The following FOLR1 variants were observed in gnomAD, a reference collection of about 807,000 sequenced individuals.
FOLR1 encodes KB cells FBP.
In FOLR1, 11 loss-of-function variants were observed where a neutral mutation model predicts 22.8. That is an observed-to-expected ratio of 0.48 (90% confidence interval 0.30 to 0.80). FOLR1 has a LOEUF of 0.80. FOLR1 is among the 30% of genes least tolerant of loss of function. FOLR1 has a pLI of 0.06. For synonymous variants in FOLR1, 108 were observed against 116.5 expected (o/e 0.93, Z 0.47); for missense variants, 273 against 320.3 (o/e 0.85, Z 1.13).
At chr11:72,191,349 A>G (rs1025781687), upstream of FOLR1, among the ~76,000 whole-genome samples, 1 of 152,106 alleles carries the variant, frequency 6.6e-6, no homozygotes, top group South Asian at 2.1e-4. Flanking sequence ...CCCCCCAACT[A>G]AAACATTTTT....
At chr11:72,191,616 C>G (rs908703024), upstream of FOLR1, among the ~76,000 whole-genome samples, 1 of 152,204 alleles carries the variant, frequency 6.6e-6, no homozygotes, top group African/African-American at 2.4e-5. Flanking sequence ...CCCACCTCAG[C>G]CTTCCAAAGT....
chr11:72,191,962 C>G (rs1565363713), upstream of FOLR1: 4 of 582,048 alleles, frequency 6.9e-6, no homozygotes, highest in Non-Finnish European at 1.2e-5. Flanking sequence ...TCGTGACCAC[C>G]TGGAGAAGGC....
At chr11:72,194,395 A>C (rs1340055783) in intron 1 of FOLR1, among the ~76,000 whole-genome samples, 1 of 151,764 alleles carries the variant, frequency 6.6e-6, no homozygotes, top group African/African-American at 2.4e-5. Context: ...ACACTTGGCT[A>C]GTTTTTTGTT....
upstream of FOLR1, among the ~76,000 whole-genome samples, chr11:72,191,571 A>T (rs1565363610): frequency 6.6e-6 from 1 of 152,120 alleles, no homozygotes; most frequent in Non-Finnish European, 1.5e-5. Context: ...TATGTTGGCC[A>T]GGCTGGTCTC....
At position 72,195,125 on chromosome 11, in the gene FOLR1, A is replaced by G. The variant is rs967613878; in HGVS notation, c.169-146A>G. 25 of 812,980 alleles carry G rather than the reference A, an allele frequency of 3.1e-5. No homozygotes were observed. In the Admixed American group the frequency reaches 3.8e-4, roughly 12 times the overall value. The allele number at this position is 812,980 out of a possible 1,614,324, so 50.4% of individuals were successfully genotyped here. A position where few individuals can be genotyped will look rare whatever the true frequency, so the allele number is the denominator to read the frequency against. On this transcript the variant is annotated intron_variant, in intron 1 of 3. Transcript: ENST00000393676. ...TGTCTCTGACGGCCCTCTCCCCTAAAGAGGTCCCAATAGCAAGTATTTTCC... is the reference window on the plus strand; with the variant it reads ...TGTCTCTGACGGCCCTCTCCCCTAAGGAGGTCCCAATAGCAAGTATTTTCC...
chr11:72,192,244 C>T lies in FOLR1; in HGVS notation c.71C>T (p.Thr24Ile), dbSNP rs1038476253. The change falls in exon 1 of 4, where the codon ACA becomes ATA. Residue 24 changes from threonine (T) to isoleucine (I), a missense_variant. By Grantham distance (89) the Thr-to-Ile change is moderately conservative. Transcript: ENST00000393676. ...GTGGCTGTAGTAGGGGAGGCTCAGA[C>T]AAGGATTGCATGGGCCAGGACTGAG... ...VWVAVVGEAQ[T>I]RIAWARTELL... 6.9e-5 allele frequency: 112 copies of T among 1,614,036 alleles called. No individual in the cohort carries two copies. The highest frequency in any genetic ancestry group is 9.2e-5 in the Non-Finnish European group (108 of 1,180,048).
rs765019885 is a variant in FOLR1, at chr11:72,195,705, A to G, written c.451A>G (p.Thr151Ala). The change falls in exon 3 of 4, where the codon ACC becomes GCC. Residue 151 changes from threonine (T) to alanine (A), a missense_variant. Coordinates refer to ENST00000393676, the MANE Select transcript of FOLR1 (RefSeq NM_016729.3). ...QWWEDCRTSY[T>A]CKSNWHKGWN... The stretch of plus-strand genomic sequence containing the variant: ...GTGGGAAGATTGTCGCACCTCCTAC[A>G]CCTGCAAGAGCAACTGGCACAAGGG... 1.6e-5 allele frequency: 26 copies of G among 1,613,938 alleles called. No homozygotes were observed. The highest frequency in any genetic ancestry group is 2.1e-5 in the Non-Finnish European group (25 of 1,180,014).
At chr11:72,193,293 A>AC (rs1222905080) in intron 1 of FOLR1, among the ~76,000 whole-genome samples, 1 of 151,602 alleles carries the variant, frequency 6.6e-6, no homozygotes, top group Non-Finnish European at 1.5e-5. Context: ...GTGCCACTGC[A>AC]CTCCAGCCTG....
chr11:72,192,789 G>A (rs1211550148), intron 1 of FOLR1, among the ~76,000 whole-genome samples: 2 of 151,540 alleles, frequency 1.3e-5, no homozygotes, highest in Admixed American at 6.6e-5. Context: ...CTGAGACAAA[G>A]TCTCCATATG....
intron 1 of FOLR1, among the ~76,000 whole-genome samples, chr11:72,193,693 C>T (rs1281289238): frequency 6.8e-6 from 1 of 147,648 alleles, no homozygotes; most frequent in Non-Finnish European, 1.5e-5. Context: ...AACTCCTCAC[C>T]TCATAATCCG....
intron 1 of FOLR1, 24 bp from the exon 2 acceptor site, chr11:72,195,247 A>C (rs2135388142): frequency 6.2e-7 from 1 of 1,611,468 alleles, no homozygotes; most frequent in South Asian, 1.1e-5. Context: ...CTGTGGACTG[A>C]GTCCTCTGTC....
At chr11:72,190,821 G>A (rs574799435), upstream of FOLR1, among the ~76,000 whole-genome samples, 73 of 152,320 alleles carry the variant, frequency 4.8e-4, no homozygotes, top group Non-Finnish European at 8.7e-4. Flanking sequence ...CTGTGCAGTC[G>A]GCCTGGAGAC....
intron 1 of FOLR1, among the ~76,000 whole-genome samples, chr11:72,194,916 A>G (rs1424329621): frequency 6.6e-6 from 1 of 152,224 alleles, no homozygotes; most frequent in Non-Finnish European, 1.5e-5. Flanking sequence ...CTATTACACT[A>G]CAAGTCCCCA....
chr11:72,196,022 G>A lies in FOLR1; in HGVS notation c.619G>A (p.Gly207Ser). 1 of 1,614,208 alleles carries A rather than the reference G, an allele frequency of 6.2e-7. No homozygotes were observed. ...YKVSNYSRGS[G>S]RCIQMWFDPA... ...GGTCAGCAACTACAGCCGAGGGAGTGGCCGCTGCATCCAGATGTGGTTCGA... is the reference window on the plus strand; with the variant it reads ...GGTCAGCAACTACAGCCGAGGGAGTAGCCGCTGCATCCAGATGTGGTTCGA... Residue 207 changes from glycine (G) to serine (S), a missense_variant, in exon 4 of 4, where the codon GGC (glycine) becomes AGC (serine). Gly to Ser is a moderately conservative substitution (Grantham distance 56). Transcript: ENST00000393676.
intron 3 of FOLR1, 30 bp from the exon 4 acceptor site, chr11:72,195,867 G>A: frequency 1.2e-6 from 2 of 1,614,190 alleles, no homozygotes; most frequent in Non-Finnish European, 1.7e-6. Flanking sequence ...TCCGGGCCCA[G>A]TGGCTAAAGG....
At chr11:72,190,084 G>A (rs117787264), upstream of FOLR1, 5,248 of 152,410 alleles carry the variant, frequency 0.034, 123 homozygotes, top group Non-Finnish European at 0.042. Flanking sequence ...ACCTGAAGGT[G>A]AGACTAGGCA....
At chr11:72,190,240 C>A (rs1435805447), upstream of FOLR1, 2 of 152,262 alleles carry the variant, frequency 1.3e-5, no homozygotes, top group Non-Finnish European at 2.9e-5. Flanking sequence ...GCCCCCATCC[C>A]CAGCACTGTG....
At chr11:72,192,466 T>C (rs1948169814) in intron 1 of FOLR1, 125 bp downstream of exon 1, 1 of 936,402 alleles carries the variant, frequency 1.1e-6, no homozygotes, top group Non-Finnish European at 1.7e-6. Context: ...TGCATTAATA[T>C]GGGTGACTAT....
chr11:72,193,326 AAAAG>A (rs1183526378), intron 1 of FOLR1, among the ~76,000 whole-genome samples: 5 of 151,802 alleles, frequency 3.3e-5, no homozygotes, highest in Admixed American at 6.6e-5. Flanking sequence ...AGACCTTGTC[AAAAG>A]AAAGAAAGAA....
Sources: gnomAD v4.1 joint callset for allele counts (sites outside exome capture counted in the v4.1 genomes callset) on GRCh38, gnomAD v4.1.1 for gene constraint, MANE v1.5 for transcripts, NCBI Gene and HGNC (gene_info 2026-07-23, HGNC 2026-07-21) for gene names.